The following SYNE2 variants were observed in gnomAD, a reference collection of about 807,000 sequenced individuals.
SYNE2 encodes the protein spectrin repeat containing nuclear envelope protein 2.
A neutral mutation model predicts 856.3 loss-of-function variants in SYNE2; 431 were observed. That is an observed-to-expected ratio of 0.50 (90% confidence interval 0.47 to 0.55). The LOEUF (loss-of-function observed/expected upper bound fraction) is 0.55. Among genes scored for constraint, SYNE2 ranks in the 20% least tolerant of loss-of-function variants. SYNE2 has a pLI of 0.00. For missense variants in SYNE2, 8,129 were observed against 8,023.2 expected, an observed-to-expected ratio of 1.01 and a Z score of -0.50; for synonymous variants, 2,923 against 2,872.3, an observed-to-expected ratio of 1.02 and a Z score of -0.56.
chr14:64,079,611 A>G (rs1237957989), intron 55 of SYNE2, among the ~76,000 whole-genome samples: 1 of 152,226 alleles, frequency 6.6e-6, no homozygotes, highest in Non-Finnish European at 1.5e-5. Flanking sequence ...ATTTGAATCC[A>G]ACCTATTGGT....
chr14:63,931,481 C>T (rs560206420), intron 2 of SYNE2, among the ~76,000 whole-genome samples: 19 of 148,864 alleles, frequency 1.3e-4, no homozygotes, highest in African/African-American at 4.2e-4. Flanking sequence ...ACCTGGGAGG[C>T]GGAGGTTGCA....
rs766347801 is a variant in SYNE2, at chr14:64,052,333, C to A, written c.8420C>A (p.Thr2807Asn). 33 of 1,614,078 alleles carry A rather than the reference C, an allele frequency of 2.0e-5. No homozygotes were observed. The highest frequency in any genetic ancestry group is 2.7e-5 in the African/African-American group (2 of 75,012). The change falls in exon 48 of 116, where the codon ACC becomes AAC. Residue 2807 changes from threonine (T) to asparagine (N), a missense_variant. This residue lies in a region of SYNE2 where 5,410 missense variants were observed against 5,284.8 expected (regional missense o/e 1.02). Coordinates refer to ENST00000555002, the MANE Select transcript of SYNE2 (RefSeq NM_182914.3). ...TTYEGSDLNN[T>N]LEDLRNQYQM... ...TATGAGGGCAGTGATTTAAATAATA[C>A]CCTAGAGGACTTACGGAATCAATAC...
intron 45 of SYNE2, among the ~76,000 whole-genome samples, chr14:64,035,729 T>C (rs923257320): frequency 6.6e-6 from 1 of 152,104 alleles, no homozygotes; most frequent in Non-Finnish European, 1.5e-5. Flanking sequence ...TCTGGCTCTG[T>C]CACTCAGGCT....
chr14:63,950,739 C>T lies in SYNE2; in HGVS notation c.590+733C>T, dbSNP rs117368181. ...TGGTGCGATTGTGGCTCACTACAGCCTTGACCTCCCAGGCTCAATTGATCC... is the reference window on the plus strand; with the variant it reads ...TGGTGCGATTGTGGCTCACTACAGCTTTGACCTCCCAGGCTCAATTGATCC... On this transcript the variant is annotated intron_variant, in intron 7 of 115. Coordinates refer to ENST00000555002, the MANE Select transcript of SYNE2 (RefSeq NM_182914.3). Among the ~76,000 whole-genome samples the T allele has an allele frequency of 1.1e-3, 160 of 152,272 alleles. 2 individuals carry two copies. The South Asian group carries it at 0.015, about 14-fold the overall frequency.
intron 89 of SYNE2, among the ~76,000 whole-genome samples, chr14:64,164,205 G>A (rs1483005479): frequency 6.6e-6 from 1 of 151,998 alleles, no homozygotes; most frequent in Non-Finnish European, 1.5e-5. Context: ...CGCCTCCTGG[G>A]TTTATGCCAT....
At chr14:64,103,916 T>C (rs566942080) in intron 64 of SYNE2, among the ~76,000 whole-genome samples, 2 of 152,320 alleles carry the variant, frequency 1.3e-5, no homozygotes, top group East Asian at 3.9e-4. Flanking sequence ...GCAAAGGAAA[T>C]TGCTGTCTCT....
At chr14:63,931,452 C>T (rs1341868531) in intron 2 of SYNE2, among the ~76,000 whole-genome samples, 1 of 150,686 alleles carries the variant, frequency 6.6e-6, no homozygotes, top group Non-Finnish European at 1.5e-5. Flanking sequence ...CAGGAGGCTG[C>T]GGCAGGAGAA....
At position 63,967,740 on chromosome 14, in the gene SYNE2, A is replaced by G; in HGVS notation, c.1022A>G (p.Glu341Gly). The G allele has an allele frequency of 6.2e-7, 1 of 1,614,174 alleles. No individual in the cohort carries two copies. The highest frequency in any genetic ancestry group is 1.3e-5 in the African/African-American group (1 of 75,068). Residue 341 changes from glutamate to glycine, a missense_variant, in exon 11 of 116, where the codon GAA (glutamate) becomes GGA (glycine). Physicochemically the swap from Glu to Gly is moderately conservative, Grantham distance 98. Transcript: ENST00000555002. ...SLLSFMESFN[E>G]EKKSFLDVLS... ...CTGTCCTTTATGGAGTCATTCAATG[A>G]AGAAAAAAAGTCCTTTTTGGATGTC... is the stretch of plus-strand genomic sequence containing the variant.
upstream of SYNE2, among the ~76,000 whole-genome samples, chr14:63,851,989 G>C (rs1167757408): frequency 2.7e-5 from 1 of 37,720 alleles, no homozygotes; most frequent in Admixed American, 3.2e-4. Context: ...GGGGGGGGGG[G>C]GGGGAATGAA....
chr14:64,008,128 A>G (rs1399485565), intron 31 of SYNE2, among the ~76,000 whole-genome samples: 2 of 152,212 alleles, frequency 1.3e-5, no homozygotes, highest in African/African-American at 4.8e-5. Flanking sequence ...TTTTTAAAGT[A>G]GCAGCACAGG....
chr14:64,148,624 G>A (rs941946655), intron 84 of SYNE2, among the ~76,000 whole-genome samples: 2 of 152,098 alleles, frequency 1.3e-5, no homozygotes, highest in African/African-American at 4.8e-5. Context: ...CACTGACTGT[G>A]CCTTCCTACC....
chr14:63,933,977 G>A (rs940511162), intron 2 of SYNE2, among the ~76,000 whole-genome samples: 3 of 152,264 alleles, frequency 2.0e-5, no homozygotes, highest in Admixed American at 1.3e-4. Flanking sequence ...GTATGAAAAC[G>A]TGAGAAAAGT....
intron 45 of SYNE2, among the ~76,000 whole-genome samples, chr14:64,045,673 G>A: frequency 6.6e-6 from 1 of 152,192 alleles, no homozygotes; most frequent in East Asian, 1.9e-4. Context: ...GGAACCTGAG[G>A]AAGTTTACAA....
At chr14:64,183,019 G>GC (rs35332457) in intron 96 of SYNE2, among the ~76,000 whole-genome samples, 76,795 of 144,352 alleles carry the variant, frequency 0.53, 22,560 homozygotes, top group African/African-American at 0.79. Flanking sequence ...GGCGGGGGCT[G>GC]CCCCCGCCTC....
intron 99 of SYNE2, chr14:64,202,149 C>A: frequency 1.4e-6 from 1 of 701,470 alleles, no homozygotes; most frequent in Non-Finnish European, 2.6e-6. Context: ...TTTAGAACTG[C>A]GCTTGCGTGC....
In SYNE2 at chr14:63,962,348, G is replaced by A. The variant is rs566507280; in HGVS notation, c.888+723G>A. 3.9e-5 allele frequency among the ~76,000 whole-genome samples: 6 copies of A among 151,954 alleles called. No homozygotes were observed. In the East Asian group the frequency reaches 9.7e-4, roughly 25 times the overall value. Reference sequence around the variant, plus strand: ...TGGGATTACAGGAGTGAGCCACTGCGGCCGGCCTGTCAAATTTTTTTGTAT... The same window carrying A: ...TGGGATTACAGGAGTGAGCCACTGCAGCCGGCCTGTCAAATTTTTTTGTAT... On this transcript the variant is annotated intron_variant, in intron 9 of 115. Coordinates refer to ENST00000555002, the MANE Select transcript of SYNE2 (RefSeq NM_182914.3).
chr14:64,036,998 G>GA (rs1384139140), intron 45 of SYNE2, among the ~76,000 whole-genome samples: 1 of 152,054 alleles, frequency 6.6e-6, no homozygotes, highest in Non-Finnish European at 1.5e-5. Flanking sequence ...TTTAACCAAG[G>GA]AATCTGACCT....
Position 64,143,780 on chromosome 14 carries a change from A to G in SYNE2, c.15315A>G (p.Arg5105=). 1 of 1,614,146 alleles carries G rather than the reference A, an allele frequency of 6.2e-7. No homozygotes were observed. The highest frequency in any genetic ancestry group is 8.5e-7 in the Non-Finnish European group (1 of 1,180,006). The change falls in exon 83 of 116, where the codon AGA becomes AGG. Residue 5105 remains arginine, a synonymous_variant. Coordinates refer to ENST00000555002, the MANE Select transcript of SYNE2 (RefSeq NM_182914.3). ...KHLLQKHKEF[R]MEMDYKQWIV... ...AACTTTGCTTATTTTAGGAGTTTAGAATGGAAATGGACTATAAACAGTGGA... is the reference window on the plus strand; with the variant it reads ...AACTTTGCTTATTTTAGGAGTTTAGGATGGAAATGGACTATAAACAGTGGA...
intron 49 of SYNE2, among the ~76,000 whole-genome samples, chr14:64,061,969 C>G (rs987760028): frequency 6.6e-6 from 1 of 152,126 alleles, no homozygotes; most frequent in Non-Finnish European, 1.5e-5. Flanking sequence ...AATTCCTTGT[C>G]AATTTATTCA....
Sources: gnomAD v4.1 joint callset for allele counts (sites outside exome capture counted in the v4.1 genomes callset) on GRCh38, gnomAD v4.1.1 for gene constraint, gnomAD v4.1.1 regional missense constraint, MANE v1.5 for transcripts, NCBI Gene and HGNC (gene_info 2026-07-23, HGNC 2026-07-21) for gene names.